Variants in TMPRSS15 observed in about 807,000 individuals in gnomAD.
TMPRSS15 encodes enteropeptidase.
In TMPRSS15, 128 loss-of-function variants were observed where a neutral mutation model predicts 125.3. That is an observed-to-expected ratio of 1.02 (90% CI 0.89 to 1.18). The LOEUF (loss-of-function observed/expected upper bound fraction) is 1.18. TMPRSS15 is among the 50% of genes most tolerant of loss of function. TMPRSS15 has a pLI of 0.00. For synonymous variants in TMPRSS15, 446 were observed against 423.2 expected (o/e 1.05, Z -0.66); for missense variants, 1,283 against 1,212.7 (o/e 1.06, Z -0.86).
chr21:18,413,298 TTTC>T (rs1242879374), intron 1 of TMPRSS15, among the ~76,000 whole-genome samples: 3 of 132,028 alleles, frequency 2.3e-5, no homozygotes, highest in Admixed American at 1.6e-4. Context: ...CTTTCTTTTC[TTTC>T]TTTTCTTTCT....
intron 16 of TMPRSS15, among the ~76,000 whole-genome samples, chr21:18,316,036 T>C (rs1318446494): frequency 1.3e-5 from 2 of 149,974 alleles, no homozygotes; most frequent in Non-Finnish European, 3.0e-5. Context: ...TATATATATA[T>C]ATATAAAATA....
intron 18 of TMPRSS15, among the ~76,000 whole-genome samples, chr21:18,310,843 T>C (rs1267306857): frequency 1.3e-5 from 2 of 151,236 alleles, no homozygotes; most frequent in African/African-American, 2.4e-5. Flanking sequence ...CCAAGATAAC[T>C]GGCATAAAAA....
chr21:18,353,672 T>C (rs2075595211), intron 9 of TMPRSS15, 51 bp downstream of exon 9: 1 of 1,542,396 alleles, frequency 6.5e-7, no homozygotes, highest in Non-Finnish European at 8.9e-7. Context: ...AATTCCATCA[T>C]AACATTAAAG....
At chr21:18,466,349 T>C (rs1290769520) in intron 1 of TMPRSS15, among the ~76,000 whole-genome samples, 2 of 152,056 alleles carry the variant, frequency 1.3e-5, no homozygotes, top group Non-Finnish European at 2.9e-5. Context: ...GACATAGGCA[T>C]GGGCAAACAC....
chr21:18,345,065 G>T (rs976246659), intron 10 of TMPRSS15, among the ~76,000 whole-genome samples: 1 of 152,182 alleles, frequency 6.6e-6, no homozygotes, highest in Non-Finnish European at 1.5e-5. Context: ...CTGCCTATAG[G>T]TATATCAATG....
intron 7 of TMPRSS15, 125 bp downstream of exon 7, chr21:18,365,015 G>T: frequency 1.3e-6 from 1 of 763,278 alleles, no homozygotes; most frequent in Non-Finnish European, 2.2e-6. Flanking sequence ...TTTTTCAGTT[G>T]GGAGGTTTTT....
At chr21:18,348,056 G>A (rs539075756) in intron 10 of TMPRSS15, among the ~76,000 whole-genome samples, 4 of 152,246 alleles carry the variant, frequency 2.6e-5, no homozygotes, top group South Asian at 4.2e-4. Flanking sequence ...GTGGTAGAAT[G>A]CACCTGTGAT....
chr21:18,413,873 G>A lies in TMPRSS15; in HGVS notation c.11-15544C>T, dbSNP rs116442847. Among the ~76,000 whole-genome samples, 92 of 152,168 alleles carry A rather than the reference G, an allele frequency of 6.0e-4. 1 individual carries two copies. Among genetic ancestry groups the A allele is most frequent in the African/African-American group, 2.0e-3 (83 of 41,524 alleles). On this transcript the variant is annotated intron_variant, in intron 1 of 7. Coordinates refer to the TMPRSS15 transcript ENST00000422787. Reference sequence around the variant, plus strand: ...CTCCTGAGTAGTTGGGACCACAGGCGCATGCCACCAGTCCTGGCCACCTTT... The same window carrying A: ...CTCCTGAGTAGTTGGGACCACAGGCACATGCCACCAGTCCTGGCCACCTTT...
At chr21:18,372,441 T>C (rs2147047333) in intron 5 of TMPRSS15, 117 bp from the exon 6 acceptor site, 1 of 841,640 alleles carries the variant, frequency 1.2e-6, no homozygotes, top group Non-Finnish European at 1.9e-6. Context: ...TCAACTGCCA[T>C]AGGAATATTT....
intron 22 of TMPRSS15, among the ~76,000 whole-genome samples, chr21:18,280,585 A>AAAAAAACAAAC (rs2074683209): frequency 6.7e-6 from 1 of 148,302 alleles, no homozygotes; most frequent in African/African-American, 2.6e-5. Flanking sequence ...CAAAAAAAAA[A>AAAAAAACAAAC]AAAAAAAAAA....
chr21:18,365,951 T>A (rs1445931850), intron 6 of TMPRSS15, among the ~76,000 whole-genome samples: 2 of 151,886 alleles, frequency 1.3e-5, no homozygotes, highest in African/African-American at 4.8e-5. Flanking sequence ...GCCAGGCTGG[T>A]CTCGATCTCC....
intron 1 of TMPRSS15, among the ~76,000 whole-genome samples, chr21:18,472,904 A>G (rs543939830): frequency 6.6e-6 from 1 of 152,244 alleles, no homozygotes; most frequent in African/African-American, 2.4e-5. Context: ...CAATAATAGC[A>G]CGTAAGATTG....
chr21:18,357,154 C>T (rs184487552), intron 8 of TMPRSS15, among the ~76,000 whole-genome samples: 2 of 151,928 alleles, frequency 1.3e-5, no homozygotes, highest in Admixed American at 6.6e-5. Flanking sequence ...GCTCACTCAC[C>T]GTCTTCTACC....
At chr21:18,409,801 C>G (rs1363984653) in intron 1 of TMPRSS15, among the ~76,000 whole-genome samples, 1 of 150,802 alleles carries the variant, frequency 6.6e-6, no homozygotes, top group Non-Finnish European at 1.5e-5. Flanking sequence ...GAAATATTTT[C>G]TATACAATCT....
intron 1 of TMPRSS15, among the ~76,000 whole-genome samples, chr21:18,412,926 C>T (rs1320123874): frequency 6.6e-6 from 1 of 151,942 alleles, no homozygotes; most frequent in Non-Finnish European, 1.5e-5. Context: ...TACATTAGAT[C>T]CTTGGAAACG....
At chr21:18,361,931 G>C (rs2075682844) in intron 7 of TMPRSS15, among the ~76,000 whole-genome samples, 1 of 152,054 alleles carries the variant, frequency 6.6e-6, no homozygotes, top group Admixed American at 6.6e-5. Flanking sequence ...TCAGCCCTGA[G>C]TATCAGATTC....
Position 18,352,914 on chromosome 21 carries a change from C to G in TMPRSS15, c.1160G>C (p.Gly387Ala). 6.2e-7 allele frequency: 1 copy of G among 1,612,110 alleles called. No individual in the cohort carries two copies. Among genetic ancestry groups the G allele is most frequent in the Non-Finnish European group, 8.5e-7 (1 of 1,178,722 alleles). ...TAAATGAATTATACCTGAAGCATTG[C>G]CAAAAGTGTGGTCAAAATTGGGTCC... ...FTGPNFDHTFGNASGFYISTP... is the reference protein window; with the variant it reads ...FTGPNFDHTFANASGFYISTP... Residue 387 changes from glycine to alanine, a missense_variant, in exon 10 of 25, where the codon GGC becomes GCC. Transcript: ENST00000284885.
chr21:18,281,281 A>G, intron 21 of TMPRSS15, 60 bp from the exon 22 acceptor site: 1 of 1,384,030 alleles, frequency 7.2e-7, no homozygotes, highest in Non-Finnish European at 1.0e-6. Context: ...CCTTTCTAGA[A>G]GATCTTCATC....
chr21:18,381,559 T>C (rs1230154796), intron 4 of TMPRSS15, among the ~76,000 whole-genome samples: 1 of 152,184 alleles, frequency 6.6e-6, no homozygotes, highest in Non-Finnish European at 1.5e-5. Flanking sequence ...ATGTAACTTC[T>C]ACTTGTTGAG....
Sources: allele counts gnomAD v4.1 joint callset (sites outside exome capture counted in the v4.1 genomes callset), GRCh38; gene constraint gnomAD v4.1.1; transcripts MANE v1.5; gene names NCBI Gene and HGNC (gene_info 2026-07-23, HGNC 2026-07-21).